The following THUMPD2 variants were observed in gnomAD, a reference collection of about 807,000 sequenced individuals.
THUMPD2 encodes the protein THUMP domain 2 tRNA and snRNA guanosine methyltransferase.
A neutral mutation model predicts 49.4 loss-of-function variants in THUMPD2; 56 were observed. That is an observed-to-expected ratio of 1.13 (90% confidence interval 0.91 to 1.41). The LOEUF is 1.41. Among genes scored for constraint, THUMPD2 ranks in the 40% most tolerant of loss-of-function variants. THUMPD2 has a pLI of 0.00. For synonymous variants in THUMPD2, 237 were observed against 205.2 expected (o/e 1.15, Z -1.32); for missense variants, 709 against 594.5 (o/e 1.19, Z -2.00).
intron 4 of THUMPD2, among the ~76,000 whole-genome samples, chr2:39,767,088 G>C (rs2148320960): frequency 6.6e-6 from 1 of 152,214 alleles, no homozygotes; most frequent in Non-Finnish European, 1.5e-5. Flanking sequence ...TGATTCCTCT[G>C]TCAATTTTTT....
intron 1 of THUMPD2, among the ~76,000 whole-genome samples, chr2:39,774,254 G>A (rs1678775520): frequency 6.6e-6 from 1 of 152,170 alleles, no homozygotes; most frequent in Admixed American, 6.5e-5. Flanking sequence ...TATCTTACTT[G>A]TTTTTATCAA....
At chr2:39,741,341 C>T (rs1208694895) in intron 9 of THUMPD2, among the ~76,000 whole-genome samples, 2 of 152,182 alleles carry the variant, frequency 1.3e-5, no homozygotes, top group African/African-American at 2.4e-5. Flanking sequence ...CATGAACACA[C>T]CTCCTGCTGT....
intron 6 of THUMPD2, chr2:39,757,506 A>C (rs933183682): frequency 2.2e-6 from 2 of 909,520 alleles, no homozygotes; most frequent in Non-Finnish European, 3.0e-6. Flanking sequence ...AATTTTGTTG[A>C]AAATTGTTAA....
intron 5 of THUMPD2, among the ~76,000 whole-genome samples, chr2:39,765,553 T>G (rs1045837805): frequency 6.6e-6 from 1 of 152,064 alleles, no homozygotes. Context: ...AAATATACAT[T>G]TTATATTTTG....
At chr2:39,750,171 CCA>C (rs1675201885) in intron 8 of THUMPD2, among the ~76,000 whole-genome samples, 1 of 152,182 alleles carries the variant, frequency 6.6e-6, no homozygotes, top group Admixed American at 6.5e-5. Context: ...TGAGGAATCA[CCA>C]CACTGTCTTC....
At chr2:39,757,298 C>T (rs963192916) in intron 6 of THUMPD2, 48 of 933,866 alleles carry the variant, frequency 5.1e-5, no homozygotes, top group Non-Finnish European at 6.4e-5. Flanking sequence ...AGACATCCAC[C>T]ACTTGATATG....
At chr2:39,764,139 G>T (rs895173719) in intron 5 of THUMPD2, among the ~76,000 whole-genome samples, 1 of 152,168 alleles carries the variant, frequency 6.6e-6, no homozygotes. Context: ...TCCGTAATTA[G>T]AGTTAGTTTC....
chr2:39,750,441 G>C (rs1327967551), intron 8 of THUMPD2, among the ~76,000 whole-genome samples: 1 of 152,086 alleles, frequency 6.6e-6, no homozygotes, highest in African/African-American at 2.4e-5. Context: ...CTTTTTAATG[G>C]GGTTGTTTTT....
chr2:39,758,596 G>C (rs1216545417), intron 6 of THUMPD2, among the ~76,000 whole-genome samples: 1 of 152,184 alleles, frequency 6.6e-6, no homozygotes, highest in Non-Finnish European at 1.5e-5. Flanking sequence ...TCAGTGAATA[G>C]AGAAGCTTCC....
chr2:39,737,132 A>G (rs1215078173), intron 9 of THUMPD2, 73 bp from the exon 10 acceptor site: 2 of 1,365,022 alleles, frequency 1.5e-6, no homozygotes, highest in African/African-American at 1.5e-5. Flanking sequence ...TTCATTTAAA[A>G]TGGTTCATGT....
At chr2:39,756,093 G>T in intron 6 of THUMPD2, 133 bp from the exon 7 acceptor site, 1 of 772,588 alleles carries the variant, frequency 1.3e-6, no homozygotes, top group East Asian at 2.8e-5. Flanking sequence ...TGAAGGGACA[G>T]ATGGGTTCAG....
At chr2:39,761,564 C>A in intron 5 of THUMPD2, 146 bp from the exon 6 acceptor site, 1 of 697,546 alleles carries the variant, frequency 1.4e-6, no homozygotes, top group Non-Finnish European at 2.2e-6. Context: ...ATGTTTCAGT[C>A]TTATTACAAA....
chr2:39,755,475 C>T, intron 7 of THUMPD2, 66 bp from the exon 8 acceptor site: 2 of 1,066,700 alleles, frequency 1.9e-6, no homozygotes, highest in South Asian at 1.6e-5. Flanking sequence ...TTAAGAAAAT[C>T]GACTTGCATT....
intron 1 of THUMPD2, among the ~76,000 whole-genome samples, chr2:39,772,604 G>GC (rs765251759): frequency 5.3e-5 from 8 of 152,182 alleles, no homozygotes; most frequent in Non-Finnish European, 1.2e-4. Context: ...CTGACTCACA[G>GC]GAAGCCTAAC....
chr2:39,769,433 G>A (rs1572868007), intron 3 of THUMPD2: 1 of 328,774 alleles, frequency 3.0e-6, no homozygotes, highest in South Asian at 7.6e-5. Context: ...CAGGCATGGT[G>A]GCTCCCGCCT....
intron 1 of THUMPD2, among the ~76,000 whole-genome samples, chr2:39,778,430 G>A (rs897085292): frequency 3.3e-5 from 5 of 152,188 alleles, no homozygotes; most frequent in African/African-American, 9.6e-5. Flanking sequence ...TTTCATTTAG[G>A]AAGCTCTCCT....
chr2:39,751,586 A>G (rs528294647), intron 8 of THUMPD2, among the ~76,000 whole-genome samples: 2 of 152,026 alleles, frequency 1.3e-5, no homozygotes, highest in Admixed American at 1.3e-4. Context: ...ACTAATTGCT[A>G]TTTCCTAAGA....
chr2:39,736,826 G>C lies in THUMPD2; in HGVS notation c.1421C>G (p.Ser474Cys), dbSNP rs779923446. The C allele has an allele frequency of 5.6e-6, 9 of 1,614,074 alleles. No homozygotes were observed. The East Asian group carries it at 2.0e-4, about 36-fold the overall frequency. ...KFLDRMSPFGSLVPVECYKVS... is the reference protein window; with the variant it reads ...KFLDRMSPFGCLVPVECYKVS... ...TTTGTAGCATTCCACTGGTACCAAG[G>C]AGCCAAATGGTGACATTCTGTCTAA... is the stretch of plus-strand genomic sequence containing the variant. The change falls in exon 10 of 10, where the codon TCC becomes TGC. Residue 474 changes from serine (S) to cysteine (C), a missense_variant. By Grantham distance (112) the Ser-to-Cys change is moderately radical. Coordinates refer to ENST00000505747, the MANE Select transcript of THUMPD2 (RefSeq NM_025264.5).
chr2:39,769,920 C>G lies in THUMPD2; in HGVS notation c.462G>C (p.Lys154Asn), dbSNP rs773675947. The stretch of plus-strand genomic sequence containing the variant: ...GCTGGCAGTCCCTATTCTCTTCTAT[C>G]TTTTGCATTTGTTCTATTTTTAATT... ...AKKLKIEQMQ[K>N]IEENRDCQLE... is the part of the protein sequence containing the mutation. Residue 154 changes from lysine to asparagine, a missense_variant, in exon 3 of 10, where the codon AAG (lysine) becomes AAC (asparagine). Physicochemically the swap from Lys to Asn is moderately conservative, Grantham distance 94. Transcript: ENST00000505747. 1.5e-5 allele frequency: 23 copies of G among 1,582,302 alleles called. No homozygotes were observed. Among genetic ancestry groups the G allele is most frequent in the Non-Finnish European group, 1.9e-5 (22 of 1,171,722 alleles).
Sources: gnomAD v4.1 joint callset for allele counts (sites outside exome capture counted in the v4.1 genomes callset) on GRCh38, gnomAD v4.1.1 for gene constraint, MANE v1.5 for transcripts, NCBI Gene and HGNC (gene_info 2026-07-23, HGNC 2026-07-21) for gene names.